ARHGAP20: variants seen among roughly 807,000 people sequenced by gnomAD.
The protein encoded by ARHGAP20 is rho GTPase-activating protein 20.
Under a neutral mutation model 73.7 loss-of-function variants are expected in ARHGAP20, and 34 were observed. The observed-to-expected ratio is 0.46, with a 90% CI of 0.35 to 0.61. The LOEUF is 0.61. ARHGAP20 is among the 20% of genes least tolerant of loss of function. The pLI, the probability that ARHGAP20 is intolerant of heterozygous loss-of-function variation, is 0.00. For missense variants in ARHGAP20, 1,314 were observed against 1,420.9 expected (o/e 0.92, Z 1.21); for synonymous variants, 523 against 518.2 (o/e 1.01, Z -0.13).
chr11:110,665,890 G>A (rs1436534439), intron 2 of ARHGAP20, among the ~76,000 whole-genome samples: 1 of 152,058 alleles, frequency 6.6e-6, no homozygotes, highest in Non-Finnish European at 1.5e-5. Flanking sequence ...TGACGTGATT[G>A]TTGCTAAGGC....
In ARHGAP20 at chr11:110,578,695, A is replaced by G; in HGVS notation, c.*675T>C. The stretch of plus-strand genomic sequence containing the variant: ...TGCAAAGCACTTCAACATGAATGAA[A>G]AAACAAACCGACAAATACAACCAAC... On this transcript the variant is annotated 3_prime_UTR_variant, in exon 15 of 15. Coordinates refer to ENST00000683387, the MANE Select transcript of ARHGAP20 (RefSeq NM_001384657.1). 1.0e-6 allele frequency: 1 copy of G among 985,442 alleles called. No homozygotes were observed. Among genetic ancestry groups the G allele is most frequent in the Non-Finnish European group, 1.2e-6 (1 of 829,936 alleles). The allele number at this position is 985,442 out of a possible 1,614,324, so 61.0% of individuals were successfully genotyped here. A position where few individuals can be genotyped will look rare whatever the true frequency, so the allele number is the denominator to read the frequency against.
At chr11:110,661,053 T>C (rs745637672) in intron 2 of ARHGAP20, among the ~76,000 whole-genome samples, 6 of 152,348 alleles carry the variant, frequency 3.9e-5, no homozygotes, top group East Asian at 1.9e-4. Flanking sequence ...CAGAAGACCA[T>C]TGTCAAACCA....
intron 2 of ARHGAP20, among the ~76,000 whole-genome samples, chr11:110,646,626 G>T (rs1949199669): frequency 6.6e-6 from 1 of 152,100 alleles, no homozygotes; most frequent in Non-Finnish European, 1.5e-5. Context: ...TTTTAATCCA[G>T]TGTATGGTTT....
intron 2 of ARHGAP20, among the ~76,000 whole-genome samples, chr11:110,686,393 C>T (rs1950132356): frequency 6.6e-6 from 1 of 151,970 alleles, no homozygotes; most frequent in African/African-American, 2.4e-5. Context: ...CACTTCTGAA[C>T]AGGCAAGAAT....
rs1212208305 is a variant in ARHGAP20, at chr11:110,606,613, C to T, written c.912G>A (p.Gln304=). ...GGCTGGGCTTCAGGATGAACTGGCACTGCATCTCTCGGGGGAGCTGTTCCA... is the reference window on the plus strand; with the variant it reads ...GGCTGGGCTTCAGGATGAACTGGCATTGCATCTCTCGGGGGAGCTGTTCCA... ...FLMEQLPREM[Q]CQFILKPSRL... is the part of the protein sequence containing the mutation. Residue 304 remains glutamine (Q), a synonymous_variant, in exon 9 of 15, where the codon CAG becomes CAA. Coordinates refer to ENST00000683387, the MANE Select transcript of ARHGAP20 (RefSeq NM_001384657.1). 6.2e-7 allele frequency: 1 copy of T among 1,613,046 alleles called. No homozygotes were observed. The highest frequency in any genetic ancestry group is 1.3e-5 in the African/African-American group (1 of 74,894).
At chr11:110,636,011 T>C (rs890948983) in intron 2 of ARHGAP20, among the ~76,000 whole-genome samples, 1 of 152,118 alleles carries the variant, frequency 6.6e-6, no homozygotes, top group Non-Finnish European at 1.5e-5. Context: ...CAGGAAAACT[T>C]TGCAAGAGGA....
At chr11:110,648,331 T>C (rs561101359) in intron 2 of ARHGAP20, among the ~76,000 whole-genome samples, 1 of 104,644 alleles carries the variant, frequency 9.6e-6, no homozygotes, top group Non-Finnish European at 1.7e-5. Flanking sequence ...TATGCATATG[T>C]GTATATGTGT....
At chr11:110,690,746 G>T in intron 1 of ARHGAP20, 117 bp from the exon 2 acceptor site, 1 of 1,017,202 alleles carries the variant, frequency 9.8e-7, no homozygotes, top group Non-Finnish European at 1.5e-6. Flanking sequence ...CTGTCAAGGA[G>T]CCTACAGTTT....
chr11:110,599,378 C>T (rs1338251232), intron 9 of ARHGAP20, among the ~76,000 whole-genome samples: 2 of 152,170 alleles, frequency 1.3e-5, no homozygotes, highest in Non-Finnish European at 2.9e-5. Flanking sequence ...CATGCCAGCC[C>T]CCTGGTGCCT....
At chr11:110,708,226 A>T (rs1423986759) in intron 1 of ARHGAP20, among the ~76,000 whole-genome samples, 1 of 152,162 alleles carries the variant, frequency 6.6e-6, no homozygotes, top group East Asian at 1.9e-4. Context: ...CATTAAGATG[A>T]CTGTAATCAA....
chr11:110,607,670 A>AT (rs1199933953), intron 8 of ARHGAP20, among the ~76,000 whole-genome samples: 1 of 152,212 alleles, frequency 6.6e-6, no homozygotes, highest in Non-Finnish European at 1.5e-5. Flanking sequence ...GCTTCCAGAG[A>AT]TTAAGACAGA....
At position 110,577,471 on chromosome 11, in the gene ARHGAP20, GA is replaced by G. The variant is rs35306856; in HGVS notation, c.*1898del. 501,094 of 896,042 alleles carry G rather than the reference GA, an allele frequency of 0.56. 62,047 individuals are homozygous for G. The highest frequency in any genetic ancestry group is 0.83 in the Admixed American group (13,179 of 15,822). 55.5% of individuals were successfully genotyped at this position (896,042 alleles called of 1,614,324 possible). On this transcript the variant is annotated 3_prime_UTR_variant, in exon 15 of 15. Transcript: ENST00000683387. ...TGAATGATTTTTTACCTGCTAACAT[GA>G]AAAAAAAAAAAAAGGCAATTTCTTC...
intron 4 of ARHGAP20, among the ~76,000 whole-genome samples, chr11:110,622,218 G>A (rs1449644548): frequency 2.6e-5 from 4 of 152,118 alleles, no homozygotes; most frequent in African/African-American, 4.8e-5. Flanking sequence ...CCTGCTCTCA[G>A]GCTAAGGCCT....
intron 1 of ARHGAP20, among the ~76,000 whole-genome samples, chr11:110,711,305 C>T (rs1950648846): frequency 6.6e-6 from 1 of 152,034 alleles, no homozygotes; most frequent in Non-Finnish European, 1.5e-5. Flanking sequence ...CCCACGCCCA[C>T]ACCGACACCC....
intron 11 of ARHGAP20, chr11:110,589,614 G>A (rs1403270592): frequency 1.0e-6 from 1 of 985,296 alleles, no homozygotes; most frequent in African/African-American, 1.7e-5. Flanking sequence ...CAAAAGCTCT[G>A]CTTAAAGCTC....
chr11:110,600,615 G>T (rs1173100755), intron 9 of ARHGAP20, among the ~76,000 whole-genome samples: 1 of 152,252 alleles, frequency 6.6e-6, no homozygotes, highest in Non-Finnish European at 1.5e-5. Flanking sequence ...CCAGTGGCCT[G>T]AGCAAATCTT....
At chr11:110,645,407 C>A (rs1949169618) in intron 2 of ARHGAP20, among the ~76,000 whole-genome samples, 1 of 152,072 alleles carries the variant, frequency 6.6e-6, no homozygotes, top group Non-Finnish European at 1.5e-5. Flanking sequence ...CAAATCAAAA[C>A]CACAGTGAGA....
chr11:110,645,017 T>TC lies in ARHGAP20; in HGVS notation c.189-14226_189-14225insG, dbSNP rs1565455658. On this transcript the variant is annotated intron_variant, in intron 2 of 14. Transcript: ENST00000683387. Reference sequence around the variant, plus strand: ...GACACTTCTCTCTCTCTCTCTCTCTTTTATTTTTTTGAGACACAGTCTCAC... The same window carrying TC: ...GACACTTCTCTCTCTCTCTCTCTCTTCTTATTTTTTTGAGACACAGTCTCAC... Among the ~76,000 whole-genome samples the TC allele has an allele frequency of 1.0e-4, 6 of 60,034 alleles. 1 individual carries two copies. The South Asian group carries it at 2.5e-3, about 25-fold the overall frequency. 39.4% of individuals were successfully genotyped at this position (60,034 alleles called of 152,430 possible).
chr11:110,711,745 C>T, intron 1 of ARHGAP20: 2 of 1,364,622 alleles, frequency 1.5e-6, no homozygotes, highest in Non-Finnish European at 1.9e-6. Flanking sequence ...CAGTGCTCGC[C>T]CAGGCCACTT....
Sources: gnomAD v4.1 joint callset for allele counts (sites outside exome capture counted in the v4.1 genomes callset) on GRCh38, gnomAD v4.1.1 for gene constraint, MANE v1.5 for transcripts, NCBI Gene and HGNC (gene_info 2026-07-23, HGNC 2026-07-21) for gene names.